The following RAD54L2 variants were observed in gnomAD, a reference collection of about 807,000 sequenced individuals.
RAD54L2 encodes the protein RAD54 like 2, also known as helicase ARIP4.
A neutral mutation model predicts 138.4 loss-of-function variants in RAD54L2; 27 were observed. The ratio of observed to expected loss-of-function variants is 0.20; its 90% CI spans 0.14 to 0.27. The LOEUF (loss-of-function observed/expected upper bound fraction) is 0.27. Among genes scored for constraint, RAD54L2 ranks in the 10% least tolerant of loss-of-function variants. The pLI, the probability that RAD54L2 is intolerant of heterozygous loss-of-function variation, is 1.00. For missense variants in RAD54L2, 1,396 were observed against 1,890.2 expected, an observed-to-expected ratio of 0.74 and a Z score of 4.85; for synonymous variants, 644 against 723.2, an observed-to-expected ratio of 0.89 and a Z score of 1.76.
chr3:51,610,540 A>G (rs926309645), intron 3 of RAD54L2, among the ~76,000 whole-genome samples: 8 of 151,348 alleles, frequency 5.3e-5, no homozygotes, highest in African/African-American at 1.7e-4. Context: ...CAGAGGTTGC[A>G]GTAAGCAGAG....
At chr3:51,582,914 C>T (rs938155932) in intron 2 of RAD54L2, among the ~76,000 whole-genome samples, 7 of 151,962 alleles carry the variant, frequency 4.6e-5, no homozygotes, top group African/African-American at 4.8e-5. Flanking sequence ...TACAGGCGCC[C>T]GCCACCGCGC....
intron 3 of RAD54L2, among the ~76,000 whole-genome samples, chr3:51,615,988 A>G (rs1700433975): frequency 2.6e-5 from 4 of 151,902 alleles, no homozygotes; most frequent in African/African-American, 9.7e-5. Context: ...TTCTTTTTCA[A>G]AAAAAGTTTT....
chr3:51,640,497 A>C (rs1047340901), intron 14 of RAD54L2, among the ~76,000 whole-genome samples: 4 of 152,204 alleles, frequency 2.6e-5, no homozygotes, highest in Admixed American at 6.5e-5. Flanking sequence ...TAGAGCTTTG[A>C]GTCTCATTAA....
At chr3:51,607,068 AT>A (rs567463593) in intron 3 of RAD54L2, among the ~76,000 whole-genome samples, 2,380 of 139,984 alleles carry the variant, frequency 0.017, 50 homozygotes, top group African/African-American at 0.055. Flanking sequence ...TTCTCTTTTT[AT>A]TTTTTTTTAT....
chr3:51,632,239 G>C (rs1378215885), intron 7 of RAD54L2, among the ~76,000 whole-genome samples: 1 of 152,134 alleles, frequency 6.6e-6, no homozygotes, highest in Non-Finnish European at 1.5e-5. Context: ...TAGACACTTG[G>C]GTTGATTACG....
chr3:51,569,574 GGGTTTTACCAT>G (rs1234140350), intron 2 of RAD54L2, among the ~76,000 whole-genome samples: 3 of 152,014 alleles, frequency 2.0e-5, no homozygotes, highest in Non-Finnish European at 4.4e-5. Flanking sequence ...AGTAGAGACT[GGGTTTTACCAT>G]GTTGGCCAGG....
At chr3:51,611,261 T>A (rs1200860619) in intron 3 of RAD54L2, among the ~76,000 whole-genome samples, 2 of 142,262 alleles carry the variant, frequency 1.4e-5, no homozygotes, top group South Asian at 2.2e-4. Context: ...GCTTGTTGCC[T>A]TTTTTTTTTT....
At position 51,662,616 on chromosome 3, in the gene RAD54L2, C is replaced by T. The variant is rs780032431; in HGVS notation, c.3600C>T (p.Ala1200=). Residue 1200 remains alanine (A), a synonymous_variant, in exon 23 of 23, where the codon GCC becomes GCT. Coordinates refer to ENST00000684192, the MANE Select transcript of RAD54L2 (RefSeq NM_015106.4). This position sits in a 1 kb window ranked among gnomAD's most constrained non-coding sequence, Gnocchi z 4.6. ...GTCAGAGCTCCCCAAGCACCAATGC[C>T]GCCCTGCCTGGCCCCCCGGCCCAAC... is the stretch of plus-strand genomic sequence containing the variant. The part of the protein sequence containing the change: ...ESRQSSPSTN[A]ALPGPPAQLM... 9.9e-6 allele frequency: 16 copies of T among 1,612,546 alleles called. No homozygotes were observed. The highest frequency in any genetic ancestry group is 8.0e-5 in the African/African-American group (6 of 75,028).
chr3:51,659,978 C>CTAT, intron 21 of RAD54L2, 48 bp from the exon 22 acceptor site: 1 of 1,435,754 alleles, frequency 7.0e-7, no homozygotes. Context: ...CCAGGGTTGG[C>CTAT]TGTATTATAT....
chr3:51,540,124 G>GT (rs1279854813), intron 1 of RAD54L2, among the ~76,000 whole-genome samples: 1 of 152,104 alleles, frequency 6.6e-6, no homozygotes, highest in Non-Finnish European at 1.5e-5. Flanking sequence ...AGTTCCAGGC[G>GT]TTTTCAGTCC....
chr3:51,645,905 C>G lies in RAD54L2; in HGVS notation c.2829+142C>G. On this transcript the variant is annotated intron_variant, in intron 18 of 22. Transcript: ENST00000684192. The surrounding 1 kb of genome is among the most constrained non-coding windows in gnomAD (Gnocchi z 6.1). ...AAGGACTTCTTTTTCTTGCCCCACT[C>G]AGTCCCCCTCCCTTCCCACAACCAC... The G allele has an allele frequency of 1.1e-6, 1 of 907,648 alleles. No individual in the cohort carries two copies. Among genetic ancestry groups the G allele is most frequent in the South Asian group, 1.8e-5 (1 of 54,230 alleles). 56.2% of individuals were successfully genotyped at this position (907,648 alleles called of 1,614,324 possible).
chr3:51,625,191 G>A (rs1700651923), intron 3 of RAD54L2, among the ~76,000 whole-genome samples: 1 of 152,182 alleles, frequency 6.6e-6, no homozygotes, highest in South Asian at 2.1e-4. Flanking sequence ...GGCTGAAGTG[G>A]GTGGATCACT....
At chr3:51,592,552 G>A (rs1035518358) in intron 3 of RAD54L2, among the ~76,000 whole-genome samples, 1 of 150,970 alleles carries the variant, frequency 6.6e-6, no homozygotes, top group Non-Finnish European at 1.5e-5. Flanking sequence ...TAATACTTCT[G>A]TTACTTCTGG....
chr3:51,619,538 C>T (rs1221188837), intron 3 of RAD54L2, among the ~76,000 whole-genome samples: 2 of 151,022 alleles, frequency 1.3e-5, no homozygotes, highest in African/African-American at 4.9e-5. Flanking sequence ...TTATACTTTA[C>T]CAACAATGTC....
At chr3:51,540,143 T>A (rs1047638635) in intron 1 of RAD54L2, among the ~76,000 whole-genome samples, 8 of 152,250 alleles carry the variant, frequency 5.3e-5, no homozygotes. Context: ...CCAATTCTTA[T>A]AAATCTAAAT....
chr3:51,598,070 T>G (rs1700003513), intron 3 of RAD54L2, among the ~76,000 whole-genome samples: 1 of 150,488 alleles, frequency 6.6e-6, no homozygotes, highest in Non-Finnish European at 1.5e-5. Context: ...AGAAAGAATG[T>G]GGTATTAAGC....
At chr3:51,574,826 G>A (rs1699428349) in intron 2 of RAD54L2, among the ~76,000 whole-genome samples, 1 of 152,070 alleles carries the variant, frequency 6.6e-6, no homozygotes, top group African/African-American at 2.4e-5. Context: ...CATTTCTTTT[G>A]CTGTGCAGAA....
In RAD54L2 at chr3:51,666,174, C is replaced by CTGTTTTTTTTTTT. The variant is rs1701906360; in HGVS notation, c.*2755_*2756insGTTTTTTTTTTTT. ...AGTGCTACCAGGTCCATGGTTTTTG[C>CTGTTTTTTTTTTT]TTTTTTTTTTTTTTTTTTTTTTTTT... On this transcript the variant is annotated 3_prime_UTR_variant, in exon 23 of 23. Coordinates refer to ENST00000684192, the MANE Select transcript of RAD54L2 (RefSeq NM_015106.4). The CTGTTTTTTTTTTT allele has an allele frequency of 1.7e-5, 1 of 58,708 alleles. No homozygotes were observed. Among genetic ancestry groups the CTGTTTTTTTTTTT allele is most frequent in the African/African-American group, 8.4e-5 (1 of 11,838 alleles). The allele number at this position is 58,708 out of a possible 1,614,324, so 3.6% of individuals were successfully genotyped here.
chr3:51,564,431 T>C (rs1699166564), intron 2 of RAD54L2, among the ~76,000 whole-genome samples: 1 of 152,212 alleles, frequency 6.6e-6, no homozygotes, highest in South Asian at 2.1e-4. Flanking sequence ...TAACTGAAGA[T>C]AGGAGGTTTG....
Sources: allele counts gnomAD v4.1 joint callset (sites outside exome capture counted in the v4.1 genomes callset), GRCh38; gene constraint gnomAD v4.1.1; non-coding constraint Gnocchi (gnomAD v3.1); transcripts MANE v1.5; gene names NCBI Gene and HGNC (gene_info 2026-07-23, HGNC 2026-07-21).